FGF14: variants seen among roughly 807,000 people sequenced by gnomAD.
FGF14 encodes fibroblast growth factor 14, also known as fibroblast growth factor homologous factor 4.
Under a neutral mutation model 25.5 loss-of-function variants are expected in FGF14, and 5 were observed. The ratio of observed to expected loss-of-function variants is 0.20; its 90% confidence interval spans 0.10 to 0.41. FGF14 has a LOEUF of 0.41. FGF14 is among the 10% of genes least tolerant of loss of function. The pLI is 1.00. For missense variants in FGF14, 222 were observed against 320.1 expected, an observed-to-expected ratio of 0.69 and a Z score of 2.34; for synonymous variants, 138 against 118.3, an observed-to-expected ratio of 1.17 and a Z score of -1.08.
At chr13:102,263,940 G>A (rs995794283) in intron 1 of FGF14, among the ~76,000 whole-genome samples, 1 of 151,486 alleles carries the variant, frequency 6.6e-6, no homozygotes, top group Non-Finnish European at 1.5e-5. Flanking sequence ...CTGCATATCA[G>A]AATCACCAAG....
At chr13:101,953,867 G>A (rs892205678) in intron 1 of FGF14, among the ~76,000 whole-genome samples, 17 of 152,024 alleles carry the variant, frequency 1.1e-4, no homozygotes, top group African/African-American at 3.6e-4. Context: ...TGGGGTTACA[G>A]GAGTGAGTCA....
At chr13:101,821,878 GTCTTGTT>G (rs948207978) in intron 3 of FGF14, among the ~76,000 whole-genome samples, 2 of 152,120 alleles carry the variant, frequency 1.3e-5, no homozygotes, top group Non-Finnish European at 2.9e-5. Flanking sequence ...TAATTTGTCA[GTCTTGTT>G]TCTTGTTTCA....
At chr13:101,812,519 A>G (rs1049566134) in intron 3 of FGF14, among the ~76,000 whole-genome samples, 2 of 149,160 alleles carry the variant, frequency 1.3e-5, no homozygotes, top group Admixed American at 6.7e-5. Flanking sequence ...CAAAATATTT[A>G]TGATCATCAC....
At chr13:102,086,510 A>T (rs757767437) in intron 1 of FGF14, among the ~76,000 whole-genome samples, 4 of 152,048 alleles carry the variant, frequency 2.6e-5, no homozygotes, top group Non-Finnish European at 4.4e-5. Context: ...ATCCTGGGCG[A>T]CAGAGAGAGA....
At chr13:102,100,102 G>T (rs554642748) in intron 1 of FGF14, among the ~76,000 whole-genome samples, 1 of 152,180 alleles carries the variant, frequency 6.6e-6, no homozygotes, top group East Asian at 1.9e-4. Flanking sequence ...ACAAAAGTAC[G>T]GTATGATGCC....
At chr13:102,102,934 C>T (rs1040355330) in intron 1 of FGF14, among the ~76,000 whole-genome samples, 1 of 152,156 alleles carries the variant, frequency 6.6e-6, no homozygotes, top group Non-Finnish European at 1.5e-5. Context: ...TGCAAATCCT[C>T]GTTCTAGTAC....
chr13:102,053,867 T>C (rs534372032), intron 1 of FGF14, among the ~76,000 whole-genome samples: 1 of 152,288 alleles, frequency 6.6e-6, no homozygotes, highest in Non-Finnish European at 1.5e-5. Context: ...CTTTTGTTTT[T>C]ACTGAACTGT....
chr13:102,349,832 CA>C (rs978474822), intron 1 of FGF14, among the ~76,000 whole-genome samples: 2 of 152,106 alleles, frequency 1.3e-5, no homozygotes, highest in Non-Finnish European at 2.9e-5. Flanking sequence ...TGTGGTGCAA[CA>C]AATCTATAAA....
intron 1 of FGF14, among the ~76,000 whole-genome samples, chr13:102,018,086 C>T (rs1957192361): frequency 6.6e-6 from 1 of 152,102 alleles, no homozygotes; most frequent in Non-Finnish European, 1.5e-5. Flanking sequence ...TGTCTCTCTT[C>T]TTCTGTTTTC....
intron 1 of FGF14, among the ~76,000 whole-genome samples, chr13:102,214,245 T>C (rs2050275444): frequency 6.6e-6 from 1 of 152,234 alleles, no homozygotes; most frequent in Non-Finnish European, 1.5e-5. Context: ...TTAATTCCCT[T>C]CCTTTGCCAT....
At chr13:102,071,174 T>C (rs2043139051) in intron 1 of FGF14, among the ~76,000 whole-genome samples, 1 of 152,218 alleles carries the variant, frequency 6.6e-6, no homozygotes, top group Non-Finnish European at 1.5e-5. Context: ...GGTTATCTGC[T>C]ACCCTTAGAA....
At chr13:102,322,130 G>A (rs1177752105) in intron 1 of FGF14, among the ~76,000 whole-genome samples, 3 of 152,204 alleles carry the variant, frequency 2.0e-5, no homozygotes, top group Non-Finnish European at 4.4e-5. Flanking sequence ...CTTCTAGGAA[G>A]AGCTTAAGCA....
intron 1 of FGF14, chr13:102,002,664 A>C (rs1034003084): frequency 6.5e-6 from 1 of 153,696 alleles, no homozygotes; most frequent in African/African-American, 2.4e-5. Flanking sequence ...ACTTTATTGC[A>C]CCTTATTACG....
intron 3 of FGF14, among the ~76,000 whole-genome samples, chr13:101,745,962 G>A (rs184283618): frequency 2.6e-5 from 4 of 152,110 alleles, no homozygotes; most frequent in African/African-American, 9.6e-5. Context: ...TTCATTTATA[G>A]TGTCCTAGAA....
chr13:102,312,082 T>C (rs1265580462), intron 1 of FGF14, among the ~76,000 whole-genome samples: 2 of 152,218 alleles, frequency 1.3e-5, no homozygotes, highest in East Asian at 1.9e-4. Flanking sequence ...TGTTACCTAC[T>C]CTGAGTTTCA....
intron 1 of FGF14, among the ~76,000 whole-genome samples, chr13:102,378,802 A>C (rs2058107591): frequency 6.6e-6 from 1 of 152,174 alleles, no homozygotes; most frequent in East Asian, 1.9e-4. Flanking sequence ...TTTATCAATA[A>C]AAAAAAGCAA....
chr13:102,284,562 T>C (rs765916628), intron 1 of FGF14, among the ~76,000 whole-genome samples: 12 of 152,088 alleles, frequency 7.9e-5, no homozygotes, highest in Non-Finnish European at 1.8e-4. Flanking sequence ...GCTCTCTAGA[T>C]TTTTTTACTC....
At chr13:101,879,863 T>C (rs1396580738) in intron 1 of FGF14, among the ~76,000 whole-genome samples, 1 of 152,108 alleles carries the variant, frequency 6.6e-6, no homozygotes, top group African/African-American at 2.4e-5. Context: ...TAGCAGAAAA[T>C]AGTATTTGAA....
chr13:101,998,703 C>T (rs1441265607), intron 1 of FGF14, among the ~76,000 whole-genome samples: 1 of 152,154 alleles, frequency 6.6e-6, no homozygotes, highest in Non-Finnish European at 1.5e-5. Flanking sequence ...TGGAGGCTCC[C>T]CGTCGGTGTA....
Sources: gnomAD v4.1 joint callset for allele counts (sites outside exome capture counted in the v4.1 genomes callset) on GRCh38, gnomAD v4.1.1 for gene constraint, MANE v1.5 for transcripts, NCBI Gene and HGNC (gene_info 2026-07-23, HGNC 2026-07-21) for gene names.